STARD13: variants seen among roughly 807,000 people sequenced by gnomAD.
The protein encoded by STARD13 is StAR related lipid transfer domain containing 13, also known as stAR-related lipid transfer protein 13.
Under a neutral mutation model 106.4 loss-of-function variants are expected in STARD13, and 62 were observed. That is an observed-to-expected ratio of 0.58 (90% confidence interval 0.48 to 0.72). The LOEUF (loss-of-function observed/expected upper bound fraction) is 0.72. Among genes scored for constraint, STARD13 ranks in the 30% least tolerant of loss-of-function variants. The pLI, the probability that STARD13 is intolerant of heterozygous loss-of-function variation, is 0.00. For synonymous variants in STARD13, 565 were observed against 553.0 expected (o/e 1.02, Z -0.31); for missense variants, 1,387 against 1,424.0 (o/e 0.97, Z 0.42).
At chr13:33,300,841 C>T (rs75770361) in intron 1 of STARD13, among the ~76,000 whole-genome samples, 4,681 of 152,304 alleles carry the variant, frequency 0.031, 118 homozygotes, top group Non-Finnish European at 0.047. Flanking sequence ...GCCTCAAATT[C>T]ACAGCCTCCT....
chr13:33,136,248 A>G (rs1296442453), intron 4 of STARD13, among the ~76,000 whole-genome samples: 3 of 152,246 alleles, frequency 2.0e-5, no homozygotes, highest in African/African-American at 7.2e-5. Context: ...TGACAGATGA[A>G]CAACAAAAAT....
chr13:33,247,110 T>C (rs924148008), intron 1 of STARD13, among the ~76,000 whole-genome samples: 1 of 152,002 alleles, frequency 6.6e-6, no homozygotes, highest in African/African-American at 2.4e-5. Flanking sequence ...GGCAGGAGAA[T>C]GGCTTGAACC....
At chr13:33,425,357 T>C in the STARD13 span, among the ~76,000 whole-genome samples, 215 of 152,228 alleles carry the variant, frequency 1.4e-3, no homozygotes, top group African/African-American at 5.1e-3. Flanking sequence ...AGGTAGCAAA[T>C]GTGTGCTCAA....
At chr13:33,165,860 AT>A (rs1293680516) in intron 2 of STARD13, among the ~76,000 whole-genome samples, 2 of 152,226 alleles carry the variant, frequency 1.3e-5, no homozygotes, top group African/African-American at 2.4e-5. Flanking sequence ...ATCATCTGAA[AT>A]TTTTTTTAGT....
chr13:33,267,161 A>G (rs2138344757), intron 1 of STARD13, among the ~76,000 whole-genome samples: 1 of 152,312 alleles, frequency 6.6e-6, no homozygotes, highest in South Asian at 2.1e-4. Flanking sequence ...TTTCAAGGAC[A>G]GCACACTTTC....
At chr13:33,552,488 C>T in the STARD13 span, among the ~76,000 whole-genome samples, 1 of 152,170 alleles carries the variant, frequency 6.6e-6, no homozygotes, top group African/African-American at 2.4e-5. Context: ...AGGTAAAATC[C>T]TTTTGTGGTG....
At chr13:33,128,876 C>T (rs1382952898) in intron 5 of STARD13, 53 bp downstream of exon 5, 7 of 1,532,712 alleles carry the variant, frequency 4.6e-6, no homozygotes, top group African/African-American at 1.4e-5. Context: ...ATAAACAGAA[C>T]ACAATTACTA....
At chr13:33,193,854 T>G (rs1886424607) in intron 1 of STARD13, among the ~76,000 whole-genome samples, 1 of 151,912 alleles carries the variant, frequency 6.6e-6, no homozygotes, top group South Asian at 2.1e-4. Flanking sequence ...TGAATTTAGC[T>G]CTCTACTAGC....
the STARD13 span, among the ~76,000 whole-genome samples, chr13:33,663,969 T>C: frequency 6.6e-6 from 1 of 152,220 alleles, no homozygotes; most frequent in East Asian, 1.9e-4. Context: ...GAAGAGAGAC[T>C]GGCAACTTCC....
At chr13:33,342,074 C>T (rs558513201) in intron 1 of STARD13, among the ~76,000 whole-genome samples, 3 of 152,322 alleles carry the variant, frequency 2.0e-5, no homozygotes, top group South Asian at 4.1e-4. Flanking sequence ...GGATTACAGG[C>T]ATAAGCCACT....
At chr13:33,651,159 A>T in the STARD13 span, among the ~76,000 whole-genome samples, 1 of 152,230 alleles carries the variant, frequency 6.6e-6, no homozygotes, top group African/African-American at 2.4e-5. Flanking sequence ...AAAGCTAGGG[A>T]TGTAGCAAGA....
the STARD13 span, among the ~76,000 whole-genome samples, chr13:33,415,545 T>C: frequency 6.6e-6 from 1 of 152,204 alleles, no homozygotes; most frequent in Non-Finnish European, 1.5e-5. Flanking sequence ...AAAATTTTAC[T>C]AGGAAATGAA....
the STARD13 span, among the ~76,000 whole-genome samples, chr13:33,476,430 A>C: frequency 2.0e-5 from 3 of 152,380 alleles, no homozygotes; most frequent in East Asian, 3.9e-4. Flanking sequence ...TCTTTTAAAT[A>C]GCTAAAAAGA....
chr13:33,577,906 G>C, the STARD13 span, among the ~76,000 whole-genome samples: 2 of 152,008 alleles, frequency 1.3e-5, no homozygotes, highest in African/African-American at 4.8e-5. Flanking sequence ...GAAAGATGCT[G>C]TTAAGATAAT....
At chr13:33,517,213 C>T in the STARD13 span, among the ~76,000 whole-genome samples, 20 of 152,032 alleles carry the variant, frequency 1.3e-4, no homozygotes, top group African/African-American at 4.8e-4. Context: ...CCTATTCAAG[C>T]TCATCCTGCC....
At chr13:33,350,711 A>G, upstream of STARD13, 1 of 1,037,816 alleles carries the variant, frequency 9.6e-7, no homozygotes, top group South Asian at 3.9e-5. Flanking sequence ...GCGCTCCTCC[A>G]CTCCCCTCCC....
chr13:33,258,220 G>A (rs7321286), intron 1 of STARD13, among the ~76,000 whole-genome samples: 30,218 of 152,110 alleles, frequency 0.2, 3,382 homozygotes, highest in African/African-American at 0.27. Context: ...TGGAGAATTG[G>A]GGGTCATCTT....
At chr13:33,286,492 T>G (rs1185600105), upstream of STARD13, among the ~76,000 whole-genome samples, 1 of 152,166 alleles carries the variant, frequency 6.6e-6, no homozygotes, top group African/African-American at 2.4e-5. Context: ...ACTGAATCAT[T>G]TAAGACAAGA....
chr13:33,499,604 T>TTTCTTCTTCTTCTTCTTC, the STARD13 span, among the ~76,000 whole-genome samples: 71 of 39,868 alleles, frequency 1.8e-3, 3 homozygotes, highest in East Asian at 4.0e-3. Flanking sequence ...CTTCTTCTTC[T>TTTCTTCTTCTTCTTCTTC]TTCTTCTTCT....
Sources: gnomAD v4.1 joint callset for allele counts (sites outside exome capture counted in the v4.1 genomes callset) on GRCh38, gnomAD v4.1.1 for gene constraint, MANE v1.5 for transcripts, NCBI Gene and HGNC (gene_info 2026-07-23, HGNC 2026-07-21) for gene names.